Variants in CYSLTR2 observed in about 807,000 individuals in gnomAD.
CYSLTR2 encodes cysteinyl leukotriene receptor 2.
For synonymous variants in CYSLTR2, 179 were observed against 160.8 expected (o/e 1.11, Z -0.86); for missense variants, 398 against 411.9 (o/e 0.97, Z 0.29).
At chr13:48,688,004 G>A (rs1012479366) in intron 1 of CYSLTR2, among the ~76,000 whole-genome samples, 2 of 152,204 alleles carry the variant, frequency 1.3e-5, no homozygotes, top group African/African-American at 2.4e-5. Flanking sequence ...AACAAGTCCT[G>A]CTAAGCAGGC....
At chr13:48,662,220 A>G (rs979696823) in intron 1 of CYSLTR2, among the ~76,000 whole-genome samples, 1 of 152,178 alleles carries the variant, frequency 6.6e-6, no homozygotes, top group South Asian at 2.1e-4. Flanking sequence ...GTATTCCATT[A>G]TGTATATATA....
intron 1 of CYSLTR2, among the ~76,000 whole-genome samples, chr13:48,661,071 G>A (rs1953115465): frequency 6.6e-6 from 1 of 151,528 alleles, no homozygotes; most frequent in South Asian, 2.1e-4. Context: ...ACTATTATTA[G>A]CATTACCCCT....
intron 1 of CYSLTR2, among the ~76,000 whole-genome samples, chr13:48,669,202 T>C (rs1452499896): frequency 6.6e-6 from 1 of 152,174 alleles, no homozygotes; most frequent in East Asian, 1.9e-4. Context: ...TCCACAATGG[T>C]TAAACTAATT....
In CYSLTR2 at chr13:48,691,069, G is replaced by A. The variant is rs779761875; in HGVS notation, c.-265-143G>A. 2.6e-5 allele frequency: 4 copies of A among 151,958 alleles called. No individual in the cohort carries two copies. In the South Asian group the frequency reaches 6.2e-4, roughly 24 times the overall value. 9.4% of individuals were successfully genotyped at this position (151,958 alleles called of 1,614,324 possible). A position where few individuals can be genotyped will look rare whatever the true frequency, so the allele number is the denominator to read the frequency against. On this transcript the variant is annotated intron_variant, in intron 1 of 4. Transcript: ENST00000682523. ...GGTCTGGATGAGGGCAATTTATTTTGCCATCTGAACTTATTTTATATCTAG... is the reference window on the plus strand; with the variant it reads ...GGTCTGGATGAGGGCAATTTATTTTACCATCTGAACTTATTTTATATCTAG...
chr13:48,693,220 A>G (rs935944275), intron 2 of CYSLTR2, among the ~76,000 whole-genome samples: 1 of 151,956 alleles, frequency 6.6e-6, no homozygotes, highest in African/African-American at 2.4e-5. Context: ...AAAAAATTTA[A>G]CTTTGGCCTT....
chr13:48,684,877 A>G (rs1953857519), intron 1 of CYSLTR2, among the ~76,000 whole-genome samples: 1 of 152,210 alleles, frequency 6.6e-6, no homozygotes, highest in South Asian at 2.1e-4. Context: ...GTGAAGAGAC[A>G]GAAGGAAAAT....
intron 1 of CYSLTR2, among the ~76,000 whole-genome samples, chr13:48,670,410 G>A (rs548253487): frequency 6.6e-6 from 1 of 152,118 alleles, no homozygotes; most frequent in Admixed American, 6.5e-5. Flanking sequence ...TATGGTTTTA[G>A]GTCTTATGTT....
At chr13:48,700,563 C>G (rs1594018890) in intron 4 of CYSLTR2, among the ~76,000 whole-genome samples, 1 of 152,292 alleles carries the variant, frequency 6.6e-6, no homozygotes, top group East Asian at 1.9e-4. Flanking sequence ...CAATATCATA[C>G]TGAATGGGCA....
Position 48,707,274 on chromosome 13 carries a change from A to G in CYSLTR2, c.457A>G (p.Arg153Gly). The G allele has an allele frequency of 6.2e-7, 1 of 1,614,038 alleles. No homozygotes were observed. Among genetic ancestry groups the G allele is most frequent in the Non-Finnish European group, 8.5e-7 (1 of 1,180,036 alleles). ...TCGGCTTCTGCATGTCACCAGCATC[A>G]GGAGTGCCTGGATCCTCTGTGGGAT... is the stretch of plus-strand genomic sequence containing the variant. ...PFRLLHVTSI[R>G]SAWILCGIIW... The change falls in exon 5 of 5, where the codon AGG becomes GGG. Residue 153 changes from arginine to glycine, a missense_variant. Physicochemically the swap from Arg to Gly is moderately radical, Grantham distance 125 (BLOSUM62 -2). Transcript: ENST00000682523.
rs73495126 is a variant in CYSLTR2 at position 48,663,864 on chromosome 13, A to G, written c.-266+9847A>G. On this transcript the variant is annotated intron_variant, in intron 1 of 4. Coordinates refer to ENST00000682523, the MANE Select transcript of CYSLTR2 (RefSeq NM_001308476.3). Reference sequence around the variant, plus strand: ...CTCTGACTAGGATTTCCAGTGCTATATTGAATAAGAGTGGTGAGAGTAAGC... The same window carrying G: ...CTCTGACTAGGATTTCCAGTGCTATGTTGAATAAGAGTGGTGAGAGTAAGC... Among the ~76,000 whole-genome samples the G allele has an allele frequency of 4.7e-3, 712 of 152,048 alleles. 7 individuals carry two copies. The highest frequency in any genetic ancestry group is 0.016 in the African/African-American group (672 of 41,532).
intron 1 of CYSLTR2, among the ~76,000 whole-genome samples, chr13:48,670,093 T>C (rs534875036): frequency 6.6e-6 from 1 of 152,392 alleles, no homozygotes; most frequent in Non-Finnish European, 1.5e-5. Context: ...GAAGTGTCTG[T>C]TCATATGCTT....
At chr13:48,677,642 A>T (rs1037741579) in intron 1 of CYSLTR2, among the ~76,000 whole-genome samples, 3 of 152,186 alleles carry the variant, frequency 2.0e-5, no homozygotes, top group African/African-American at 7.2e-5. Context: ...TGAGAGTAAG[A>T]GTCAAGGTGA....
At chr13:48,665,419 G>T (rs1331353432) in intron 1 of CYSLTR2, among the ~76,000 whole-genome samples, 3 of 152,008 alleles carry the variant, frequency 2.0e-5, no homozygotes, top group African/African-American at 7.2e-5. Context: ...TGGCTGCTGA[G>T]TCCCCAGATA....
rs561335557 is a variant in CYSLTR2, at chr13:48,704,488, C to T, written c.-1-2329C>T. ...TCTGTTTTCAATTTCTTGATTTCTG[C>T]TCTTTACTATCTCCTTCCTTTTGCT... On this transcript the variant is annotated intron_variant, in intron 4 of 4. Transcript: ENST00000682523. Among the ~76,000 whole-genome samples the T allele has an allele frequency of 2.1e-4, 32 of 151,024 alleles. 1 individual carries two copies. In the South Asian group the frequency reaches 6.3e-3, roughly 30 times the overall value.
intron 3 of CYSLTR2, among the ~76,000 whole-genome samples, chr13:48,695,115 C>T (rs982818536): frequency 1.6e-5 from 2 of 126,948 alleles, no homozygotes; most frequent in Non-Finnish European, 3.2e-5. Context: ...CACTCCATCA[C>T]CCAGGCTGGA....
chr13:48,673,433 C>CTTTTTTTTTTTTTTTTTTTTTTTTTTTT (rs61699943), intron 1 of CYSLTR2, among the ~76,000 whole-genome samples: 3 of 48,276 alleles, frequency 6.2e-5, no homozygotes, highest in Non-Finnish European at 7.3e-5. Context: ...GTAACCCCGG[C>CTTTTTTTTTTTTTTTTTTTTTTTTTTTT]TTTTTTTTTT....
At chr13:48,694,177 G>GA (rs149722135) in intron 3 of CYSLTR2, among the ~76,000 whole-genome samples, 15,254 of 151,886 alleles carry the variant, frequency 0.1, 1,369 homozygotes, top group African/African-American at 0.24. Context: ...GCTGAGAAAC[G>GA]AAAAAAACAG....
rs375669186 is a variant in CYSLTR2 at position 48,707,173 on chromosome 13, A to G, written c.356A>G (p.Tyr119Cys). The change falls in exon 5 of 5, where the codon TAT becomes TGT. Residue 119 changes from tyrosine to cysteine, a missense_variant. Coordinates refer to ENST00000682523, the MANE Select transcript of CYSLTR2 (RefSeq NM_001308476.3). ...TGCAGGATTATGTCTTATTCCTTGT[A>G]TGTCAACATGTACAGCAGTATTTAT... ...LACRIMSYSL[Y>C]VNMYSSIYFL... The G allele has an allele frequency of 3.8e-5, 62 of 1,614,040 alleles. No individual in the cohort carries two copies. Among genetic ancestry groups the G allele is most frequent in the Non-Finnish European group, 5.2e-5 (61 of 1,180,038 alleles).
At position 48,706,929 on chromosome 13, in the gene CYSLTR2, A is replaced by G. The variant is rs1465213645; in HGVS notation, c.112A>G (p.Arg38Gly). 6.2e-7 allele frequency: 1 copy of G among 1,614,178 alleles called. No individual in the cohort carries two copies. Among genetic ancestry groups the G allele is most frequent in the Non-Finnish European group, 8.5e-7 (1 of 1,180,002 alleles). ...SRNCTIENFKREFFPIVYLII... is the reference protein window; with the variant it reads ...SRNCTIENFKGEFFPIVYLII... ...GAACTGCACAATTGAAAACTTCAAG[A>G]GAGAATTTTTCCCAATTGTATATCT... Residue 38 changes from arginine to glycine, a missense_variant, in exon 5 of 5, where the codon AGA (arginine) becomes GGA (glycine). By Grantham distance (125) the Arg-to-Gly change is moderately radical (BLOSUM62 -2). Transcript: ENST00000682523.
Sources: allele counts gnomAD v4.1 joint callset (sites outside exome capture counted in the v4.1 genomes callset), GRCh38; gene constraint gnomAD v4.1.1; transcripts MANE v1.5; gene names NCBI Gene and HGNC (gene_info 2026-07-23, HGNC 2026-07-21).